HS3ST4: variants seen among roughly 807,000 people sequenced by gnomAD.
The protein encoded by HS3ST4 is heparan sulfate-glucosamine 3-sulfotransferase 4, also known as heparan sulfate glucosamine 3-O-sulfotransferase 4.
In HS3ST4, 17 loss-of-function variants were observed where a neutral mutation model predicts 29.2. The ratio of observed to expected loss-of-function variants is 0.58; its 90% confidence interval spans 0.40 to 0.87. The LOEUF (loss-of-function observed/expected upper bound fraction) is 0.87, where lower values mean the gene tolerates loss of function less well. Among genes scored for constraint, HS3ST4 ranks in the 40% least tolerant of loss-of-function variants. The pLI is 0.00. For missense variants in HS3ST4, 627 were observed against 634.5 expected, an observed-to-expected ratio of 0.99 and a Z score of 0.13; for synonymous variants, 314 against 285.7, an observed-to-expected ratio of 1.10 and a Z score of -1.00.
intron 1 of HS3ST4, among the ~76,000 whole-genome samples, chr16:25,831,764 G>A (rs1236164171): frequency 6.6e-6 from 1 of 152,048 alleles, no homozygotes; most frequent in Non-Finnish European, 1.5e-5. Context: ...GAATGAATGA[G>A]TGCACAAATA....
chr16:25,934,053 C>T (rs978985233), intron 1 of HS3ST4, among the ~76,000 whole-genome samples: 14 of 152,314 alleles, frequency 9.2e-5, no homozygotes, highest in African/African-American at 2.4e-4. Flanking sequence ...AGTCCTGAGA[C>T]GCCTTTCAAC....
intron 1 of HS3ST4, among the ~76,000 whole-genome samples, chr16:26,054,329 GA>G (rs1898382439): frequency 1.4e-5 from 2 of 141,124 alleles, no homozygotes; most frequent in Non-Finnish European, 3.0e-5. Context: ...AGAAGAAGAA[GA>G]GAAGAAGAAG....
chr16:25,744,150 C>T (rs759646182), intron 1 of HS3ST4, among the ~76,000 whole-genome samples: 131 of 152,280 alleles, frequency 8.6e-4, no homozygotes, highest in South Asian at 1.7e-3. Context: ...TTATCGTCTA[C>T]CTTTATTAAT....
intron 1 of HS3ST4, among the ~76,000 whole-genome samples, chr16:25,895,700 G>A (rs540149826): frequency 1.3e-5 from 2 of 151,960 alleles, no homozygotes; most frequent in East Asian, 3.9e-4. Context: ...GCAGATGGCT[G>A]CTTCTTGCTG....
intron 1 of HS3ST4, among the ~76,000 whole-genome samples, chr16:26,109,106 A>G (rs1489790288): frequency 3.9e-5 from 6 of 152,174 alleles, no homozygotes; most frequent in Non-Finnish European, 7.3e-5. Context: ...CTCATAGAAG[A>G]AAAAGAAATG....
At chr16:26,101,134 G>C (rs927570135) in intron 1 of HS3ST4, among the ~76,000 whole-genome samples, 2 of 152,112 alleles carry the variant, frequency 1.3e-5, no homozygotes, top group Admixed American at 1.3e-4. Context: ...CAGAACCTCT[G>C]GTCCAAGTTA....
chr16:25,920,602 A>C (rs55979509), intron 1 of HS3ST4, among the ~76,000 whole-genome samples: 25,685 of 87,196 alleles, frequency 0.29, 2,942 homozygotes, highest in African/African-American at 0.51. Context: ...TGCCGCCCCC[A>C]CCCCTCTTTT....
At chr16:26,023,498 CA>C (rs1396427426) in intron 1 of HS3ST4, among the ~76,000 whole-genome samples, 1 of 152,016 alleles carries the variant, frequency 6.6e-6, no homozygotes, top group Admixed American at 6.6e-5. Context: ...CTCCTGAGCT[CA>C]AATGATCCTC....
chr16:25,868,165 C>T (rs1415490742), intron 1 of HS3ST4, among the ~76,000 whole-genome samples: 1 of 152,100 alleles, frequency 6.6e-6, no homozygotes, highest in Non-Finnish European at 1.5e-5. Flanking sequence ...CTTCTGCCTG[C>T]CTCCCACCTG....
intron 1 of HS3ST4, among the ~76,000 whole-genome samples, chr16:26,122,525 G>A (rs1272921817): frequency 6.6e-6 from 1 of 152,104 alleles, no homozygotes; most frequent in Non-Finnish European, 1.5e-5. Flanking sequence ...GCGTGGGCCC[G>A]GTGGAATGAC....
At chr16:26,115,167 C>T (rs1266723153) in intron 1 of HS3ST4, among the ~76,000 whole-genome samples, 2 of 149,508 alleles carry the variant, frequency 1.3e-5, no homozygotes, top group African/African-American at 2.4e-5. Flanking sequence ...CATACACTGA[C>T]ACTCACCCAA....
rs542335214 is a variant in HS3ST4 at position 25,966,066 on chromosome 16, C to CGG, written c.735-169546_735-169545insGG. On this transcript the variant is annotated intron_variant, in intron 1 of 1. Coordinates refer to ENST00000331351, the MANE Select transcript of HS3ST4 (RefSeq NM_006040.3). ...AGCCTTCATATACCATATCATGACA[C>CGG]TATTCTAAATGCGTTATATGGAGTA... Among the ~76,000 whole-genome samples, 184 of 152,268 alleles carry CGG rather than the reference C, an allele frequency of 1.2e-3. 1 individual carries two copies. Among genetic ancestry groups the CGG allele is most frequent in the African/African-American group, 4.4e-3 (183 of 41,554 alleles).
intron 1 of HS3ST4, among the ~76,000 whole-genome samples, chr16:25,803,833 C>CCCCT (rs1966964076): frequency 6.6e-6 from 1 of 152,152 alleles, no homozygotes; most frequent in African/African-American, 2.4e-5. Flanking sequence ...GTGATCAGCA[C>CCCCT]CCCTGTTCCT....
intron 1 of HS3ST4, among the ~76,000 whole-genome samples, chr16:25,952,162 A>G (rs1039561662): frequency 3.9e-5 from 6 of 152,208 alleles, no homozygotes; most frequent in African/African-American, 1.4e-4. Flanking sequence ...GTTGTAGCAG[A>G]GACAGCATGA....
At chr16:25,927,396 A>G (rs1968415638) in intron 1 of HS3ST4, among the ~76,000 whole-genome samples, 1 of 152,240 alleles carries the variant, frequency 6.6e-6, no homozygotes, top group South Asian at 2.1e-4. Context: ...ACACTGGCAG[A>G]AATGAGGCCC....
chr16:25,756,154 G>GCACACA (rs71997199), intron 1 of HS3ST4, among the ~76,000 whole-genome samples: 1 of 132,624 alleles, frequency 7.5e-6, no homozygotes, highest in South Asian at 2.3e-4. Flanking sequence ...ACACACACAC[G>GCACACA]CACACACACA....
intron 1 of HS3ST4, among the ~76,000 whole-genome samples, chr16:26,035,920 G>A (rs1209483847): frequency 6.6e-6 from 1 of 152,208 alleles, no homozygotes; most frequent in African/African-American, 2.4e-5. Flanking sequence ...TATGAGTGCA[G>A]GAAGAGTCCT....
chr16:26,033,681 C>G (rs866451177), intron 1 of HS3ST4, among the ~76,000 whole-genome samples: 2 of 151,946 alleles, frequency 1.3e-5, no homozygotes, highest in African/African-American at 4.8e-5. Flanking sequence ...ATGATCACAC[C>G]ACTGCGCTCC....
At chr16:26,104,369 G>A (rs1349623258) in intron 1 of HS3ST4, among the ~76,000 whole-genome samples, 1 of 152,180 alleles carries the variant, frequency 6.6e-6, no homozygotes. Context: ...TGGGTTTGTT[G>A]ACAAAGGATA....
Sources: allele counts gnomAD v4.1 joint callset (sites outside exome capture counted in the v4.1 genomes callset), GRCh38; gene constraint gnomAD v4.1.1; transcripts MANE v1.5; gene names NCBI Gene and HGNC (gene_info 2026-07-23, HGNC 2026-07-21).